UBE2E2: variants seen among roughly 807,000 people sequenced by gnomAD.
UBE2E2 encodes the protein ubiquitin conjugating enzyme E2 E2.
In UBE2E2, 6 loss-of-function variants were observed where a neutral mutation model predicts 24.7. That is an observed-to-expected ratio of 0.24 (90% CI 0.13 to 0.48). The LOEUF is 0.48. Among genes scored for constraint, UBE2E2 ranks in the 20% least tolerant of loss-of-function variants. UBE2E2 has a pLI of 0.99. For synonymous variants in UBE2E2, 104 were observed against 83.6 expected (o/e 1.24, Z -1.33); for missense variants, 169 against 245.0 (o/e 0.69, Z 2.07).
chr3:23,316,089 A>G (rs1006469765), intron 3 of UBE2E2, among the ~76,000 whole-genome samples: 1 of 152,086 alleles, frequency 6.6e-6, no homozygotes, highest in Non-Finnish European at 1.5e-5. Flanking sequence ...CCAGCGCAGC[A>G]CTGAGTCTTA....
chr3:23,408,670 A>C (rs1697425844), intron 3 of UBE2E2, among the ~76,000 whole-genome samples: 1 of 152,208 alleles, frequency 6.6e-6, no homozygotes, highest in Admixed American at 6.5e-5. Flanking sequence ...AGATGGTAAA[A>C]GCTGCTGCTC....
At chr3:23,277,426 G>T (rs1282877600) in intron 3 of UBE2E2, among the ~76,000 whole-genome samples, 1 of 152,036 alleles carries the variant, frequency 6.6e-6, no homozygotes, top group Non-Finnish European at 1.5e-5. Flanking sequence ...AAGGGTCAAC[G>T]TTTGTATCTA....
intron 3 of UBE2E2, among the ~76,000 whole-genome samples, chr3:23,271,984 C>A (rs894599648): frequency 1.3e-5 from 2 of 152,224 alleles, no homozygotes; most frequent in African/African-American, 4.8e-5. Flanking sequence ...GGATCCCGCG[C>A]CAGGGCCGTG....
chr3:23,258,710 G>A (rs908407145), intron 3 of UBE2E2, among the ~76,000 whole-genome samples: 1 of 151,922 alleles, frequency 6.6e-6, no homozygotes, highest in African/African-American at 2.4e-5. Context: ...TGGCTAACAT[G>A]GTAAAACCTT....
At position 23,301,153 on chromosome 3, in the gene UBE2E2, G is replaced by C. The variant is rs914710118; in HGVS notation, c.227+83841G>C. Among the ~76,000 whole-genome samples, 16 of 152,102 alleles carry C rather than the reference G, an allele frequency of 1.1e-4. No individual in the cohort carries two copies. In the East Asian group the frequency reaches 2.1e-3, roughly 20 times the overall value. The stretch of plus-strand genomic sequence containing the variant: ...GCTCCATCAGGTCCTTTAAGGACTT[G>C]TCTGCATTAGTTATTCTAGTTATCC... On this transcript the variant is annotated intron_variant, in intron 3 of 5. Transcript: ENST00000396703.
intron 4 of UBE2E2, among the ~76,000 whole-genome samples, chr3:23,510,191 A>G (rs992065061): frequency 6.6e-6 from 1 of 152,238 alleles, no homozygotes; most frequent in Non-Finnish European, 1.5e-5. Flanking sequence ...GTACATGATC[A>G]TGGCTTATTG....
At chr3:23,397,182 C>T (rs574744390) in intron 3 of UBE2E2, among the ~76,000 whole-genome samples, 1 of 152,234 alleles carries the variant, frequency 6.6e-6, no homozygotes, top group South Asian at 2.1e-4. Context: ...TTTTTGAGCA[C>T]TTACTAAGCA....
intron 3 of UBE2E2, among the ~76,000 whole-genome samples, chr3:23,481,402 T>A (rs914333648): frequency 7.9e-5 from 12 of 152,248 alleles, no homozygotes; most frequent in Admixed American, 4.6e-4. Context: ...TCGTTTCTCA[T>A]TTGAACTAAT....
At chr3:23,440,825 C>A (rs1294933277) in intron 3 of UBE2E2, among the ~76,000 whole-genome samples, 1 of 152,224 alleles carries the variant, frequency 6.6e-6, no homozygotes, top group Middle Eastern at 3.4e-3. Context: ...TCATTTCCTG[C>A]CAGTTTGTCC....
At chr3:23,260,946 T>A (rs1347376279) in intron 3 of UBE2E2, among the ~76,000 whole-genome samples, 2 of 151,902 alleles carry the variant, frequency 1.3e-5, no homozygotes, top group Admixed American at 6.6e-5. Context: ...TCTAAAAAAA[T>A]ACAAAAATTA....
chr3:23,534,951 A>T (rs1238883324), intron 5 of UBE2E2, among the ~76,000 whole-genome samples: 1 of 152,228 alleles, frequency 6.6e-6, no homozygotes. Context: ...TTATCCATAC[A>T]TAAACTTATT....
In UBE2E2 at chr3:23,246,829, A is replaced by G. The variant is rs1012720356; in HGVS notation, c.227+29517A>G. On this transcript the variant is annotated intron_variant, in intron 3 of 5. Coordinates refer to ENST00000396703, the MANE Select transcript of UBE2E2 (RefSeq NM_152653.4). Reference sequence around the variant, plus strand: ...AAGCATGTGGATCATTGCCTGGCATATAGTAGGTATTTGGTTATTTATTAA... The same window carrying G: ...AAGCATGTGGATCATTGCCTGGCATGTAGTAGGTATTTGGTTATTTATTAA... 3.3e-5 allele frequency among the ~76,000 whole-genome samples: 5 copies of G among 152,356 alleles called. No homozygotes were observed. The South Asian group carries it at 6.2e-4, about 19-fold the overall frequency.
At chr3:23,264,942 A>G (rs1326551239) in intron 3 of UBE2E2, among the ~76,000 whole-genome samples, 1 of 152,176 alleles carries the variant, frequency 6.6e-6, no homozygotes, top group Admixed American at 6.5e-5. Flanking sequence ...TTAGATATAG[A>G]CTGAAAAGTG....
chr3:23,568,032 G>C (rs1175430656), intron 5 of UBE2E2, among the ~76,000 whole-genome samples: 2 of 152,178 alleles, frequency 1.3e-5, no homozygotes, highest in Non-Finnish European at 2.9e-5. Flanking sequence ...CACACTTTCA[G>C]TGGACAGTCA....
chr3:23,342,191 T>A (rs1222547408), intron 3 of UBE2E2, among the ~76,000 whole-genome samples: 1 of 151,824 alleles, frequency 6.6e-6, no homozygotes. Flanking sequence ...AGTTTAGTTT[T>A]TTTTTTTTTT....
chr3:23,445,091 T>C (rs1371611604), intron 3 of UBE2E2, among the ~76,000 whole-genome samples: 1 of 152,206 alleles, frequency 6.6e-6, no homozygotes, highest in East Asian at 1.9e-4. Context: ...ATCAGTCTCT[T>C]TCATTGGCAG....
At chr3:23,253,138 G>A (rs970138725) in intron 3 of UBE2E2, among the ~76,000 whole-genome samples, 1 of 152,148 alleles carries the variant, frequency 6.6e-6, no homozygotes, top group Non-Finnish European at 1.5e-5. Flanking sequence ...TTTGGAGGCT[G>A]ACTTCTAGAA....
intron 3 of UBE2E2, among the ~76,000 whole-genome samples, chr3:23,431,027 G>C (rs1346781183): frequency 6.6e-6 from 1 of 152,172 alleles, no homozygotes; most frequent in Non-Finnish European, 1.5e-5. Context: ...AGAAACTGCA[G>C]AATGTTCTAG....
intron 5 of UBE2E2, among the ~76,000 whole-genome samples, chr3:23,569,104 A>T (rs1393321651): frequency 1.3e-5 from 2 of 152,242 alleles, no homozygotes; most frequent in African/African-American, 2.4e-5. Context: ...TGATAAATGG[A>T]TAAATATAAC....
Sources: allele counts gnomAD v4.1 joint callset (sites outside exome capture counted in the v4.1 genomes callset), GRCh38; gene constraint gnomAD v4.1.1; transcripts MANE v1.5; gene names NCBI Gene and HGNC (gene_info 2026-07-23, HGNC 2026-07-21).